Variants in CEP128 observed in about 807,000 individuals in gnomAD.
CEP128 encodes the protein centrosomal protein 128, also known as centrosomal protein 128kDa.
CEP128 carries 132 observed loss-of-function variants against 156.7 expected under a neutral mutation model. The observed-to-expected ratio is 0.84, with a 90% CI of 0.73 to 0.97. The LOEUF is 0.97. Among genes scored for constraint, CEP128 ranks in the 50% least tolerant of loss-of-function variants. The pLI, the probability that CEP128 is intolerant of heterozygous loss-of-function variation, is 0.00. For missense variants in CEP128, 1,252 were observed against 1,281.9 expected, an observed-to-expected ratio of 0.98 and a Z score of 0.36; for synonymous variants, 469 against 448.9, an observed-to-expected ratio of 1.04 and a Z score of -0.57.
chr14:80,885,917 G>A (rs554049461), intron 8 of CEP128, among the ~76,000 whole-genome samples: 1 of 152,194 alleles, frequency 6.6e-6, no homozygotes, highest in African/African-American at 2.4e-5. Flanking sequence ...AGAATAACCA[G>A]TTTAGAGAAG....
At chr14:80,653,569 G>C (rs1341228242) in intron 19 of CEP128, among the ~76,000 whole-genome samples, 3 of 152,244 alleles carry the variant, frequency 2.0e-5, no homozygotes, top group Admixed American at 6.6e-5. Flanking sequence ...TTCATAGCTA[G>C]AAAGGAGAAG....
intron 19 of CEP128, among the ~76,000 whole-genome samples, chr14:80,715,590 G>GA (rs1003013269): frequency 3.3e-5 from 5 of 151,956 alleles, no homozygotes; most frequent in Non-Finnish European, 7.4e-5. Flanking sequence ...AGATGAGAAG[G>GA]AAAAAAAGCA....
chr14:80,884,155 A>C (rs1888680909), intron 8 of CEP128, among the ~76,000 whole-genome samples: 1 of 152,236 alleles, frequency 6.6e-6, no homozygotes, highest in Non-Finnish European at 1.5e-5. Flanking sequence ...ACTCCCCAGG[A>C]CATTGGAGTA....
chr14:80,711,460 A>G (rs1897404526), intron 19 of CEP128, among the ~76,000 whole-genome samples: 1 of 152,126 alleles, frequency 6.6e-6, no homozygotes, highest in African/African-American at 2.4e-5. Flanking sequence ...AAGAGATAAT[A>G]TATGTAAAAT....
At chr14:80,906,126 A>C in intron 4 of CEP128, 45 bp from the exon 5 acceptor site, 1 of 1,405,200 alleles carries the variant, frequency 7.1e-7, no homozygotes, top group Non-Finnish European at 9.5e-7. Flanking sequence ...CTTCTTAAAC[A>C]ACTTCCAAAT....
chr14:80,737,394 A>C (rs1327661819), intron 19 of CEP128, among the ~76,000 whole-genome samples: 1 of 151,120 alleles, frequency 6.6e-6, no homozygotes, highest in Non-Finnish European at 1.5e-5. Context: ...ACAGAGCAAG[A>C]CTCTGTCTGA....
At chr14:80,511,547 C>A (rs925080697) in intron 23 of CEP128, among the ~76,000 whole-genome samples, 1 of 151,824 alleles carries the variant, frequency 6.6e-6, no homozygotes, top group African/African-American at 2.4e-5. Flanking sequence ...AAAAAAACAA[C>A]TTTTTGTTTA....
chr14:80,609,862 A>C (rs1662176642), intron 19 of CEP128, among the ~76,000 whole-genome samples: 1 of 152,132 alleles, frequency 6.6e-6, no homozygotes, highest in Admixed American at 6.5e-5. Flanking sequence ...GTCAAAAAAA[A>C]ATCACACAGT....
At chr14:80,677,610 C>T (rs1384771855) in intron 19 of CEP128, among the ~76,000 whole-genome samples, 1 of 148,128 alleles carries the variant, frequency 6.8e-6, no homozygotes, top group Non-Finnish European at 1.5e-5. Context: ...GAGTGAAAGA[C>T]AAGTAATGCT....
At chr14:80,695,676 C>G (rs971549505) in intron 19 of CEP128, among the ~76,000 whole-genome samples, 2 of 147,366 alleles carry the variant, frequency 1.4e-5, no homozygotes, top group Admixed American at 1.4e-4. Context: ...AAGATCACAC[C>G]ATTGCACTCC....
At chr14:80,819,184 T>G (rs2139987455) in intron 13 of CEP128, among the ~76,000 whole-genome samples, 1 of 152,000 alleles carries the variant, frequency 6.6e-6, no homozygotes, top group Admixed American at 6.5e-5. Flanking sequence ...GACCGACAAC[T>G]TTCTTTATAT....
At position 80,728,499 on chromosome 14, in the gene CEP128, C is replaced by T. The variant is rs150373383; in HGVS notation, c.2806+14576G>A. 4.2e-3 allele frequency among the ~76,000 whole-genome samples: 641 copies of T among 151,994 alleles called. 7 individuals carry two copies. Among genetic ancestry groups the T allele is most frequent in the African/African-American group, 0.015 (626 of 41,426 alleles). ...GTCATATAACAAATCTGCACATGTA[C>T]CCCTGAACCTAAAAGTTGAAAAAGA... On this transcript the variant is annotated intron_variant, in intron 19 of 24. Coordinates refer to ENST00000555265, the MANE Select transcript of CEP128 (RefSeq NM_152446.5).
intron 21 of CEP128, among the ~76,000 whole-genome samples, chr14:80,544,399 T>C (rs1889893733): frequency 6.6e-6 from 1 of 152,180 alleles, no homozygotes; most frequent in Non-Finnish European, 1.5e-5. Flanking sequence ...GCAGATCTTG[T>C]GTCTGGTGAG....
At chr14:80,739,375 T>A (rs1232422157) in intron 19 of CEP128, among the ~76,000 whole-genome samples, 1 of 152,178 alleles carries the variant, frequency 6.6e-6, no homozygotes, top group Admixed American at 6.6e-5. Flanking sequence ...AAGAAATCCC[T>A]AACTCTTTTG....
rs1411132020 is a variant in CEP128, at chr14:80,679,980, G to A, written c.2806+63095C>T. Among the ~76,000 whole-genome samples, 4 of 152,176 alleles carry A rather than the reference G, an allele frequency of 2.6e-5. No homozygotes were observed. In the East Asian group the frequency reaches 7.7e-4, roughly 29 times the overall value. Reference sequence around the variant, plus strand: ...ACCTACGTTGAAATATTGGGGGTGGGTTCCCCCGATAGGTCCATACAAAGT... The same window carrying A: ...ACCTACGTTGAAATATTGGGGGTGGATTCCCCCGATAGGTCCATACAAAGT... On this transcript the variant is annotated intron_variant, in intron 19 of 24. Coordinates refer to ENST00000555265, the MANE Select transcript of CEP128 (RefSeq NM_152446.5).
chr14:80,893,063 T>C (rs1290855967), intron 8 of CEP128, among the ~76,000 whole-genome samples: 1 of 151,878 alleles, frequency 6.6e-6, no homozygotes, highest in East Asian at 1.9e-4. Flanking sequence ...AGCCAAGATA[T>C]GGAAACAACC....
intron 7 of CEP128, 37 bp from the exon 8 acceptor site, chr14:80,895,827 T>C (rs376346496): frequency 5.6e-5 from 76 of 1,368,126 alleles, no homozygotes; most frequent in Non-Finnish European, 7.3e-5. Flanking sequence ...TAAATTTGGA[T>C]ATTTAGAAAA....
intron 19 of CEP128, among the ~76,000 whole-genome samples, chr14:80,590,979 G>A (rs894596650): frequency 6.6e-6 from 1 of 152,264 alleles, no homozygotes; most frequent in East Asian, 1.9e-4. Context: ...TCACCACCGG[G>A]CCAGCCTTGC....
chr14:80,619,363 C>CAG, intron 19 of CEP128, among the ~76,000 whole-genome samples: 1 of 114,972 alleles, frequency 8.7e-6, no homozygotes, highest in Non-Finnish European at 1.8e-5. Flanking sequence ...TTTAAAGACA[C>CAG]ACAGACACAC....
Sources: gnomAD v4.1 joint callset for allele counts (sites outside exome capture counted in the v4.1 genomes callset) on GRCh38, gnomAD v4.1.1 for gene constraint, MANE v1.5 for transcripts, NCBI Gene and HGNC (gene_info 2026-07-23, HGNC 2026-07-21) for gene names.